Variants in CDH13 observed in about 807,000 individuals in gnomAD.
CDH13 encodes the protein cadherin-13.
A neutral mutation model predicts 63.8 loss-of-function variants in CDH13; 24 were observed. The ratio of observed to expected loss-of-function variants is 0.38; its 90% CI spans 0.27 to 0.53. The LOEUF is 0.53. CDH13 is among the 20% of genes least tolerant of loss of function. The pLI is 0.85. For missense variants in CDH13, 1,049 were observed against 903.1 expected, an observed-to-expected ratio of 1.16 and a Z score of -2.07; for synonymous variants, 503 against 355.3, an observed-to-expected ratio of 1.42 and a Z score of -4.67.
intron 2 of CDH13, among the ~76,000 whole-genome samples, chr16:82,977,372 T>C (rs1024919334): frequency 1.3e-5 from 2 of 152,182 alleles, no homozygotes; most frequent in African/African-American, 4.8e-5. Flanking sequence ...CACACTGATA[T>C]GGTTTGGCTG....
intron 2 of CDH13, among the ~76,000 whole-genome samples, chr16:82,928,388 C>A (rs2042372931): frequency 6.6e-6 from 1 of 152,126 alleles, no homozygotes; most frequent in South Asian, 2.1e-4. Flanking sequence ...AGAAATGATA[C>A]TGTTGAATTG....
intron 5 of CDH13, among the ~76,000 whole-genome samples, chr16:83,273,362 G>A (rs566862473): frequency 6.6e-6 from 1 of 151,836 alleles, no homozygotes; most frequent in East Asian, 2.0e-4. Flanking sequence ...TAGGCCCTGG[G>A]GTCTTTTGTT....
intron 5 of CDH13, among the ~76,000 whole-genome samples, chr16:83,276,812 A>G (rs1250552802): frequency 2.0e-5 from 3 of 152,170 alleles, no homozygotes; most frequent in Non-Finnish European, 2.9e-5. Flanking sequence ...TGGAGCCTAC[A>G]GGAGCCAAGA....
chr16:83,570,491 A>G (rs896929413), intron 7 of CDH13, among the ~76,000 whole-genome samples: 1 of 151,988 alleles, frequency 6.6e-6, no homozygotes. Context: ...AAGCCAAGGA[A>G]AAACGTACTG....
chr16:82,707,961 G>T (rs147511986), intron 1 of CDH13, among the ~76,000 whole-genome samples: 38 of 152,224 alleles, frequency 2.5e-4, no homozygotes, highest in African/African-American at 8.7e-4. Flanking sequence ...GTCATGTTTT[G>T]GTCCCTTGGT....
In CDH13 at chr16:83,466,575, G is replaced by A. The variant is rs541013758; in HGVS notation, c.782-19902G>A. 2.0e-5 allele frequency among the ~76,000 whole-genome samples: 3 copies of A among 152,226 alleles called. No homozygotes were observed. The South Asian group carries it at 6.2e-4, about 32-fold the overall frequency. ...ACACTCCCCCTAATGACCTCCACCT[G>A]GCAACCTTCATCAACCCAAAACTCA... On this transcript the variant is annotated intron_variant, in intron 6 of 13. Transcript: ENST00000567109.
At chr16:83,302,550 C>G (rs1336974998) in intron 5 of CDH13, among the ~76,000 whole-genome samples, 1 of 152,152 alleles carries the variant, frequency 6.6e-6, no homozygotes, top group East Asian at 1.9e-4. Flanking sequence ...CACTTCTTAT[C>G]CCTTAATTCA....
chr16:82,930,426 A>C (rs1350366502), intron 2 of CDH13, among the ~76,000 whole-genome samples: 1 of 151,802 alleles, frequency 6.6e-6, no homozygotes, highest in Non-Finnish European at 1.5e-5. Flanking sequence ...GTTATATTAA[A>C]CATAGGTGTC....
At position 83,032,172 on chromosome 16, in the gene CDH13, C is replaced by A; in HGVS notation, c.320C>A (p.Ala107Glu). The change falls in exon 3 of 14, where the codon GCA becomes GAA. Residue 107 changes from alanine to glutamate, a missense_variant. Coordinates refer to ENST00000567109, the MANE Select transcript of CDH13 (RefSeq NM_001257.5). ...HARTPHAEDM[A>E]ELVIVGGKDI... ...CGGACCCCCCATGCGGAAGATATGG[C>A]AGAACTCGTGATTGTCGGGGGGAAA... is the stretch of plus-strand genomic sequence containing the variant. The A allele has an allele frequency of 6.2e-7, 1 of 1,613,696 alleles. No homozygotes were observed. The highest frequency in any genetic ancestry group is 8.5e-7 in the Non-Finnish European group (1 of 1,179,754).
chr16:83,095,995 T>C (rs1445204840), intron 3 of CDH13, among the ~76,000 whole-genome samples: 1 of 152,144 alleles, frequency 6.6e-6, no homozygotes, highest in African/African-American at 2.4e-5. Context: ...GTTGAACATG[T>C]CTTTAGGAGG....
chr16:83,194,550 C>G (rs2038818264), intron 4 of CDH13, among the ~76,000 whole-genome samples: 1 of 152,218 alleles, frequency 6.6e-6, no homozygotes, highest in African/African-American at 2.4e-5. Flanking sequence ...AGGGCCATCT[C>G]CTGTAACAGC....
chr16:82,745,187 G>C (rs1453055861), intron 1 of CDH13, among the ~76,000 whole-genome samples: 1 of 152,166 alleles, frequency 6.6e-6, no homozygotes, highest in Non-Finnish European at 1.5e-5. Flanking sequence ...TCAGACTCAG[G>C]CTGACTTGGA....
At chr16:83,259,254 A>C (rs553320388) in intron 5 of CDH13, among the ~76,000 whole-genome samples, 2 of 152,278 alleles carry the variant, frequency 1.3e-5, no homozygotes, top group African/African-American at 2.4e-5. Context: ...TGTGAAGTGG[A>C]GCTAATGAGA....
At chr16:82,970,654 C>G (rs967793654) in intron 2 of CDH13, among the ~76,000 whole-genome samples, 1 of 117,338 alleles carries the variant, frequency 8.5e-6, no homozygotes, top group African/African-American at 2.7e-5. Context: ...CCGCCTCGGC[C>G]TCCCAAAGTG....
chr16:83,515,048 C>G (rs185255299), intron 7 of CDH13, among the ~76,000 whole-genome samples: 5 of 152,258 alleles, frequency 3.3e-5, no homozygotes, highest in African/African-American at 1.2e-4. Context: ...GGGTCAGAGG[C>G]AGCTTCGGGG....
intron 8 of CDH13, among the ~76,000 whole-genome samples, chr16:83,613,789 T>A (rs541150036): frequency 6.6e-6 from 1 of 152,288 alleles, no homozygotes; most frequent in South Asian, 2.1e-4. Context: ...GCTGAGATCA[T>A]GCCACCGCAC....
chr16:82,905,432 CGTGTGTGTGTGT>C (rs140795057), intron 2 of CDH13, among the ~76,000 whole-genome samples: 10 of 143,530 alleles, frequency 7.0e-5, no homozygotes, highest in South Asian at 2.2e-4. Flanking sequence ...ATGAATCACA[CGTGTGTGTGTGT>C]GTGTGTGTGT....
intron 5 of CDH13, among the ~76,000 whole-genome samples, chr16:83,264,824 C>G (rs1907415326): frequency 6.6e-6 from 1 of 151,866 alleles, no homozygotes; most frequent in Non-Finnish European, 1.5e-5. Flanking sequence ...ATAATTTTCA[C>G]TTATAAACAT....
At chr16:83,114,003 GA>G (rs1398936116) in intron 3 of CDH13, among the ~76,000 whole-genome samples, 1 of 152,140 alleles carries the variant, frequency 6.6e-6, no homozygotes, top group East Asian at 1.9e-4. Context: ...GGCTGCTGAA[GA>G]GAGAACATCT....
Sources: gnomAD v4.1 joint callset for allele counts (sites outside exome capture counted in the v4.1 genomes callset) on GRCh38, gnomAD v4.1.1 for gene constraint, MANE v1.5 for transcripts, NCBI Gene and HGNC (gene_info 2026-07-23, HGNC 2026-07-21) for gene names.